The following RPH3AL variants were observed in gnomAD, a reference collection of about 807,000 sequenced individuals.
The protein encoded by RPH3AL is rabphilin 3A like (without C2 domains), also known as rab effector Noc2.
In RPH3AL, 38 loss-of-function variants were observed where a neutral mutation model predicts 43.1. The observed-to-expected ratio is 0.88, with a 90% CI of 0.68 to 1.15. The LOEUF (loss-of-function observed/expected upper bound fraction) is 1.15, where lower values mean the gene tolerates loss of function less well. RPH3AL is among the 50% of genes most tolerant of loss of function. RPH3AL has a pLI of 0.00. For missense variants in RPH3AL, 462 were observed against 423.2 expected (o/e 1.09, Z -0.81); for synonymous variants, 189 against 176.3 (o/e 1.07, Z -0.57).
chr17:318,942 T>G (rs773293728), intron 5 of RPH3AL, among the ~76,000 whole-genome samples: 1 of 152,246 alleles, frequency 6.6e-6, no homozygotes, highest in Non-Finnish European at 1.5e-5. Context: ...CATTTTTTCC[T>G]TGTTGCCTTC....
intron 5 of RPH3AL, among the ~76,000 whole-genome samples, chr17:298,990 C>T (rs765548282): frequency 4.0e-5 from 6 of 151,360 alleles, no homozygotes; most frequent in Non-Finnish European, 8.8e-5. Flanking sequence ...GGGGAATGAA[C>T]TGAGGGCCTC....
intron 1 of RPH3AL, chr17:334,157 A>T (rs2044876598): frequency 6.5e-6 from 1 of 153,300 alleles, no homozygotes; most frequent in Non-Finnish European, 1.5e-5. Context: ...AGGGTCCCGT[A>T]AACGGGCCTT....
chr17:265,218 C>G (rs1395184029), intron 6 of RPH3AL, among the ~76,000 whole-genome samples: 1 of 152,158 alleles, frequency 6.6e-6, no homozygotes, highest in Non-Finnish European at 1.5e-5. Flanking sequence ...TCCCGAGTAG[C>G]TGGGACTGCA....
intron 6 of RPH3AL, among the ~76,000 whole-genome samples, chr17:270,174 C>T (rs996224151): frequency 2.0e-5 from 3 of 152,256 alleles, no homozygotes; most frequent in South Asian, 2.1e-4. Context: ...CTCAGGCAGC[C>T]GCCCGCCCCA....
intron 5 of RPH3AL, among the ~76,000 whole-genome samples, chr17:291,570 GC>G (rs1202397264): frequency 6.6e-6 from 1 of 152,128 alleles, no homozygotes; most frequent in Non-Finnish European, 1.5e-5. Context: ...CGTCTGAATG[GC>G]CTCGGTGCAT....
chr17:337,268 T>A (rs892557114), intron 1 of RPH3AL, among the ~76,000 whole-genome samples: 1 of 152,026 alleles, frequency 6.6e-6, no homozygotes, highest in African/African-American at 2.4e-5. Context: ...CCTGGCTAAT[T>A]TTTTAATTTT....
In RPH3AL at chr17:322,073, C is replaced by T. The variant is rs997751611; in HGVS notation, c.78-658G>A. Among the ~76,000 whole-genome samples, 14 of 151,790 alleles carry T rather than the reference C, an allele frequency of 9.2e-5. No homozygotes were observed. Among genetic ancestry groups the T allele is most frequent in the Admixed American group, 1.3e-4 (2 of 15,244 alleles). ...ACTTTGAAAACTAGCAGGTTCGAGG[C>T]GGGGGGGAAGCGAGTTACAGAAGAG... On this transcript the variant is annotated intron_variant, in intron 3 of 9. Transcript: ENST00000331302. This position sits in a 1 kb window ranked among gnomAD's most constrained non-coding sequence, Gnocchi z 4.0.
chr17:263,432 G>C (rs1423649386), intron 6 of RPH3AL, among the ~76,000 whole-genome samples: 2 of 152,218 alleles, frequency 1.3e-5, no homozygotes, highest in Non-Finnish European at 2.9e-5. Context: ...AGGCACGGCA[G>C]GATCCAGCAC....
In RPH3AL at chr17:274,514, G is replaced by A. The variant is rs1436665307; in HGVS notation, c.438+7254C>T. Among the ~76,000 whole-genome samples the A allele has an allele frequency of 1.3e-5, 2 of 152,266 alleles. No homozygotes were observed. Among genetic ancestry groups the A allele is most frequent in the Non-Finnish European group, 2.9e-5 (2 of 68,052 alleles). On this transcript the variant is annotated intron_variant, in intron 6 of 9. Coordinates refer to ENST00000331302, the MANE Select transcript of RPH3AL (RefSeq NM_006987.4). This position sits in a 1 kb window ranked among gnomAD's most constrained non-coding sequence, Gnocchi z 4.7. ...TCTAGCCAGTCCGGCAATGTGAGTT[G>A]CATTGGGGAAGGAGTATTTCCTGAA... is the stretch of plus-strand genomic sequence containing the variant.
intron 5 of RPH3AL, among the ~76,000 whole-genome samples, chr17:286,963 GCACCCTCTCTCCACCGTCAGACCTCA>G (rs1567615510): frequency 1.9e-3 from 100 of 53,010 alleles, no homozygotes; most frequent in African/African-American, 2.6e-3. Flanking sequence ...GTCAGACCTC[GCACCCTCTCTCCACCGTCAGACCTCA>G]CACCCTCTCT....
chr17:241,877 A>T (rs2041546594), intron 7 of RPH3AL, among the ~76,000 whole-genome samples: 1 of 152,132 alleles, frequency 6.6e-6, no homozygotes, highest in Non-Finnish European at 1.5e-5. Context: ...GCACTTTGGG[A>T]GGCCGAGGCA....
chr17:261,718 A>T (rs1316335962), intron 6 of RPH3AL: 1 of 152,246 alleles, frequency 6.6e-6, no homozygotes, highest in African/African-American at 2.4e-5. Context: ...TTTTAAACTC[A>T]TAAGGACGCT....
chr17:233,560 C>G (rs2041280861), intron 7 of RPH3AL, among the ~76,000 whole-genome samples: 1 of 152,154 alleles, frequency 6.6e-6, no homozygotes, highest in Non-Finnish European at 1.5e-5. Flanking sequence ...CAGACGTGAC[C>G]TGGTCATGCC....
intron 3 of RPH3AL, among the ~76,000 whole-genome samples, chr17:324,179 G>A (rs981454676): frequency 6.6e-6 from 1 of 152,192 alleles, no homozygotes; most frequent in East Asian, 1.9e-4. Context: ...CTCAAGGCCT[G>A]AGCCCTGACC....
At chr17:349,188 C>T (rs866692672) in intron 1 of RPH3AL, 7 of 151,996 alleles carry the variant, frequency 4.6e-5, no homozygotes, top group African/African-American at 1.5e-4. Flanking sequence ...AATGGTCCTC[C>T]CAGAAGTGCC....
chr17:338,011 C>T (rs1384850491), intron 1 of RPH3AL, among the ~76,000 whole-genome samples: 2 of 152,228 alleles, frequency 1.3e-5, no homozygotes, highest in Non-Finnish European at 2.9e-5. Context: ...TAACCTACTT[C>T]TCCCCCATCT....
At chr17:243,211 C>T (rs368370870) in intron 7 of RPH3AL, among the ~76,000 whole-genome samples, 251 of 67,598 alleles carry the variant, frequency 3.7e-3, no homozygotes, top group South Asian at 0.013. Flanking sequence ...CCTCTATTGA[C>T]TACCTTCCTC....
At chr17:330,386 C>G (rs2044722665) in intron 2 of RPH3AL, among the ~76,000 whole-genome samples, 1 of 152,214 alleles carries the variant, frequency 6.6e-6, no homozygotes, top group African/African-American at 2.4e-5. Flanking sequence ...CAATCTTCTC[C>G]CAGATGAGGC....
chr17:228,456 G>A (rs867982947), intron 7 of RPH3AL, among the ~76,000 whole-genome samples: 1 of 152,192 alleles, frequency 6.6e-6, no homozygotes, highest in Non-Finnish European at 1.5e-5. Context: ...CATCTGGCCT[G>A]TGGTAGGTGC....
Sources: gnomAD v4.1 joint callset for allele counts (sites outside exome capture counted in the v4.1 genomes callset) on GRCh38, gnomAD v4.1.1 for gene constraint, Gnocchi (gnomAD v3.1) non-coding constraint, MANE v1.5 for transcripts, NCBI Gene and HGNC (gene_info 2026-07-23, HGNC 2026-07-21) for gene names.